Variants in TSGA10 observed in about 807,000 individuals in gnomAD.
The protein encoded by TSGA10 is testis specific 10.
TSGA10 carries 43 observed loss-of-function variants against 96.6 expected under a neutral mutation model. The observed-to-expected ratio is 0.44, with a 90% CI of 0.35 to 0.57. The LOEUF is 0.57. Ranked by LOEUF, TSGA10 falls within the 20% of genes least tolerant of loss-of-function variation. The probability of loss-of-function intolerance (pLI) is 0.01; values close to 1 mark genes in which losing one functional copy is unlikely to be tolerated. For missense variants in TSGA10, 703 were observed against 834.4 expected (o/e 0.84, Z 1.94); for synonymous variants, 229 against 269.9 (o/e 0.85, Z 1.48).
At position 99,018,603 on chromosome 2, in the gene TSGA10, C is replaced by T. The variant is rs2079738601; in HGVS notation, c.1855G>A (p.Val619Ile). ...QSRDVAQFRNVVTQLEADLDI... is the reference protein window; with the variant it reads ...QSRDVAQFRNIVTQLEADLDI... ...AAATCAGCTTCCAATTGTGTGACAA[C>T]ATTTCTGAACTGGGCCACATCTCTA... The change falls in exon 19 of 21, where the codon GTT becomes ATT. Residue 619 changes from valine to isoleucine, a missense_variant. This residue lies in a region of TSGA10 where 49 missense variants were observed against 96.4 expected (regional missense o/e 0.51). Transcript: ENST00000393483. 11 of 1,613,978 alleles carry T rather than the reference C, an allele frequency of 6.8e-6. No individual in the cohort carries two copies. Among genetic ancestry groups the T allele is most frequent in the Non-Finnish European group, 9.3e-6 (11 of 1,179,972 alleles).
intron 16 of TSGA10, among the ~76,000 whole-genome samples, chr2:99,048,116 G>A (rs1011098775): frequency 6.6e-6 from 1 of 152,094 alleles, no homozygotes; most frequent in African/African-American, 2.4e-5. Context: ...TGGATAGGAA[G>A]AATCAATATC....
At chr2:99,032,329 C>T (rs2081210402) in intron 17 of TSGA10, among the ~76,000 whole-genome samples, 2 of 152,122 alleles carry the variant, frequency 1.3e-5, no homozygotes, top group South Asian at 2.1e-4. Context: ...GATGAGACAG[C>T]AGAAGAATCT....
At chr2:99,081,430 A>C (rs1455947283) in intron 10 of TSGA10, 33 bp from the exon 11 acceptor site, 18 of 1,359,538 alleles carry the variant, frequency 1.3e-5, no homozygotes, top group Admixed American at 2.2e-5. Flanking sequence ...ACTAATTCTG[A>C]AATTTTTGTT....
intron 16 of TSGA10, among the ~76,000 whole-genome samples, chr2:99,037,420 A>C (rs2081737809): frequency 6.6e-6 from 1 of 152,224 alleles, no homozygotes; most frequent in South Asian, 2.1e-4. Context: ...AGAAATCACA[A>C]AAAAAATTTA....
At chr2:99,039,188 T>G (rs2081956983) in intron 16 of TSGA10, among the ~76,000 whole-genome samples, 1 of 151,168 alleles carries the variant, frequency 6.6e-6, no homozygotes, top group Admixed American at 6.6e-5. Flanking sequence ...TCAAAAAGTC[T>G]GAAAGAGCAC....
intron 16 of TSGA10, among the ~76,000 whole-genome samples, chr2:99,040,057 ACAAACTC>A (rs980531001): frequency 8.5e-5 from 13 of 152,282 alleles, no homozygotes; most frequent in Admixed American, 3.3e-4. Flanking sequence ...AAAACATATG[ACAAACTC>A]CAGTATTCCT....
chr2:99,150,936 G>C, intron 1 of TSGA10: 2 of 706,622 alleles, frequency 2.8e-6, no homozygotes, highest in Non-Finnish European at 4.8e-6. Flanking sequence ...CAAAATGATG[G>C]AAGACTATTG....
chr2:99,117,433 C>G (rs1416962605), intron 4 of TSGA10, 111 bp downstream of exon 4: 3 of 400,964 alleles, frequency 7.5e-6, no homozygotes, highest in Non-Finnish European at 1.0e-5. Context: ...ACTGTCAAAT[C>G]TAAAAAGCTT....
At chr2:99,058,828 G>A (rs1241549360) in intron 16 of TSGA10, among the ~76,000 whole-genome samples, 1 of 151,650 alleles carries the variant, frequency 6.6e-6, no homozygotes, top group Non-Finnish European at 1.5e-5. Flanking sequence ...ATGAGGTCAG[G>A]AGTTCGAGAC....
chr2:99,006,672 T>C (rs979717510), intron 20 of TSGA10, among the ~76,000 whole-genome samples: 4 of 152,116 alleles, frequency 2.6e-5, no homozygotes, highest in African/African-American at 9.7e-5. Context: ...TGTGGAGAAA[T>C]AGGAACACTT....
intron 16 of TSGA10, among the ~76,000 whole-genome samples, chr2:99,044,300 C>T (rs1210774498): frequency 7.2e-6 from 1 of 138,550 alleles, no homozygotes; most frequent in African/African-American, 2.8e-5. Flanking sequence ...CGAAAACACA[C>T]ATAGGCTCAA....
At chr2:99,099,045 G>T (rs1465696115) in intron 10 of TSGA10, among the ~76,000 whole-genome samples, 1 of 152,204 alleles carries the variant, frequency 6.6e-6, no homozygotes, top group Non-Finnish European at 1.5e-5. Context: ...GGGCGTGATG[G>T]CTCACACCTG....
intron 1 of TSGA10, among the ~76,000 whole-genome samples, chr2:99,129,194 A>G (rs1444719458): frequency 6.6e-6 from 1 of 152,120 alleles, no homozygotes; most frequent in African/African-American, 2.4e-5. Context: ...CTGCATAATG[A>G]TCATCTCTTA....
intron 1 of TSGA10, among the ~76,000 whole-genome samples, chr2:99,138,796 G>C (rs558978867): frequency 1.3e-5 from 2 of 152,290 alleles, no homozygotes; most frequent in South Asian, 4.1e-4. Context: ...AATTTCAGGG[G>C]ATTTAAGACT....
At chr2:99,003,864 G>A (rs1194889483) in intron 20 of TSGA10, among the ~76,000 whole-genome samples, 2 of 152,120 alleles carry the variant, frequency 1.3e-5, no homozygotes, top group East Asian at 1.9e-4. Context: ...ATCTAAAATC[G>A]ACACTTTAAC....
chr2:99,117,441 C>T (rs2092337582), intron 4 of TSGA10, 103 bp downstream of exon 4: 1 of 459,634 alleles, frequency 2.2e-6, no homozygotes, highest in Non-Finnish European at 2.9e-6. Context: ...ATCTAAAAAG[C>T]TTCCAAATTA....
chr2:99,115,970 T>C (rs2092231638), intron 4 of TSGA10, among the ~76,000 whole-genome samples: 2 of 152,208 alleles, frequency 1.3e-5, no homozygotes, highest in African/African-American at 4.8e-5. Context: ...TAAAAATACA[T>C]ACAATCCTAG....
At chr2:99,030,023 G>T (rs977172850) in intron 17 of TSGA10, among the ~76,000 whole-genome samples, 1 of 152,226 alleles carries the variant, frequency 6.6e-6, no homozygotes, top group Non-Finnish European at 1.5e-5. Context: ...GATTTGGCAA[G>T]TTCATAGGAC....
At chr2:99,093,718 G>T (rs939126580) in intron 10 of TSGA10, among the ~76,000 whole-genome samples, 2 of 151,742 alleles carry the variant, frequency 1.3e-5, no homozygotes, top group African/African-American at 4.8e-5. Context: ...TCTCTACAAG[G>T]AAAACTATAA....
Sources: allele counts gnomAD v4.1 joint callset (sites outside exome capture counted in the v4.1 genomes callset), GRCh38; gene constraint gnomAD v4.1.1; regional missense constraint gnomAD v4.1.1; transcripts MANE v1.5; gene names NCBI Gene and HGNC (gene_info 2026-07-23, HGNC 2026-07-21).